The following SYNM variants were observed in gnomAD, a reference collection of about 807,000 sequenced individuals.
SYNM encodes the protein desmuslin.
In SYNM, 95 loss-of-function variants were observed where a neutral mutation model predicts 104.0. The ratio of observed to expected loss-of-function variants is 0.91; its 90% CI spans 0.77 to 1.08. SYNM has a LOEUF of 1.08. Ranked by LOEUF, SYNM falls within the 50% of genes least tolerant of loss-of-function variation. The pLI is 0.00. For missense variants in SYNM, 2,150 were observed against 2,052.2 expected, an observed-to-expected ratio of 1.05 and a Z score of -0.92; for synonymous variants, 918 against 869.0, an observed-to-expected ratio of 1.06 and a Z score of -0.99.
intron 1 of SYNM, among the ~76,000 whole-genome samples, chr15:99,109,507 T>C (rs1052099614): frequency 2.6e-5 from 4 of 152,116 alleles, no homozygotes; most frequent in Non-Finnish European, 4.4e-5. Context: ...AGGATGGGAT[T>C]AGCTAAGGGT....
At chr15:99,124,528 T>C (rs1596130037) in intron 2 of SYNM, among the ~76,000 whole-genome samples, 1 of 152,222 alleles carries the variant, frequency 6.6e-6, no homozygotes. Context: ...ATAGGAGAGC[T>C]CTGCAGGGCC....
Position 99,113,595 on chromosome 15 carries a change from T to C in SYNM, c.815T>C (p.Val272Ala), listed in dbSNP as rs2305445. ...YGIQAEERQR[V>A]IDCLEDEKAT... ...AAGTCTGTCTATTCTCTTTAGAGAG[T>C]GATTGACTGCCTGGAGGATGAGAAG... is the stretch of plus-strand genomic sequence containing the variant. The change falls in exon 2 of 4, where the codon GTG becomes GCG. Residue 272 changes from valine to alanine, a missense_variant. Transcript: ENST00000336292. 938,900 of 1,611,636 alleles carry C rather than the reference T, an allele frequency of 0.58. 274,856 individuals are homozygous for C. Among genetic ancestry groups the C allele is most frequent in the East Asian group, 0.7 (31,414 of 44,816 alleles).
intron 2 of SYNM, among the ~76,000 whole-genome samples, chr15:99,124,436 G>A (rs564030797): frequency 1.3e-5 from 2 of 152,304 alleles, no homozygotes; most frequent in South Asian, 2.1e-4. Flanking sequence ...AAGGTGACAT[G>A]TGTCGCTGCC....
At position 99,135,527 on chromosome 15, in the gene SYNM, C is replaced by T. The variant is rs184998991; in HGVS notation, c.*2469C>T. 1.3e-4 allele frequency: 20 copies of T among 152,706 alleles called. No individual in the cohort carries two copies. The highest frequency in any genetic ancestry group is 1.1e-3 in the Admixed American group (17 of 15,292). 9.5% of individuals were successfully genotyped at this position (152,706 alleles called of 1,614,324 possible). A position where few individuals can be genotyped will look rare whatever the true frequency, so the allele number is the denominator to read the frequency against. On this transcript the variant is annotated 3_prime_UTR_variant, in exon 4 of 4. Coordinates refer to ENST00000336292, the MANE Select transcript of SYNM (RefSeq NM_145728.3). Reference sequence around the variant, plus strand: ...CATCTAAGAAGCTGATTTTGCTAAACTCCTGTTCCCTACAATGGGAAATGT... The same window carrying T: ...CATCTAAGAAGCTGATTTTGCTAAATTCCTGTTCCCTACAATGGGAAATGT...
rs782003749 is a variant in SYNM at position 99,130,622 on chromosome 15, T to C, written c.2262T>C (p.Ser754=). ...TGGAGATCGTGGAGGAGCCCGTGAGTTATGTCAGCGGGGAGAAGCCGGAGG... is the reference window on the plus strand; with the variant it reads ...TGGAGATCGTGGAGGAGCCCGTGAGCTATGTCAGCGGGGAGAAGCCGGAGG... ...VNVEIVEEPV[S]YVSGEKPEEF... The change falls in exon 4 of 4, where the codon AGT becomes AGC. Residue 754 remains serine, a synonymous_variant. Transcript: ENST00000336292. The C allele has an allele frequency of 6.2e-7, 1 of 1,608,748 alleles. No individual in the cohort carries two copies. Among genetic ancestry groups the C allele is most frequent in the Non-Finnish European group, 8.5e-7 (1 of 1,177,754 alleles).
intron 1 of SYNM, among the ~76,000 whole-genome samples, chr15:99,107,656 T>C (rs2067259200): frequency 6.6e-6 from 1 of 152,222 alleles, no homozygotes; most frequent in African/African-American, 2.4e-5. Flanking sequence ...AAACCTTCAG[T>C]GGAACTCGTA....
In SYNM at chr15:99,130,749, T is replaced by G. The variant is rs782514131; in HGVS notation, c.2389T>G (p.Phe797Val). Residue 797 changes from phenylalanine to valine, a missense_variant, in exon 4 of 4, where the codon TTC becomes GTC. Coordinates refer to ENST00000336292, the MANE Select transcript of SYNM (RefSeq NM_145728.3). ...AGGTTATGGAGAAAGCGATGTCACA[T>G]TCTCAGTTAATCAGCATCGAAGGAC... ...EEGYGESDVT[F>V]SVNQHRRTKQ... The G allele has an allele frequency of 9.9e-6, 16 of 1,613,834 alleles. No individual in the cohort carries two copies. Among genetic ancestry groups the G allele is most frequent in the African/African-American group, 1.3e-5 (1 of 74,900 alleles).
Position 99,133,022 on chromosome 15 carries a change from CAATG to C in SYNM, c.4664_4667del (p.Asn1555ArgfsTer32), listed in dbSNP as rs2067529641. On this transcript the variant is annotated frameshift_variant, in exon 4 of 4. Transcript: ENST00000336292. LOFTEE classifies it high-confidence loss of function. ...AGAAAGTTGCCCTCCTCTATCTAGACAATGAGGAGGAGGAGAATGATGGGCATTG... is the reference window on the plus strand; with the variant it reads ...AGAAAGTTGCCCTCCTCTATCTAGACAGGAGGAGGAGAATGATGGGCATTG... 1 of 1,613,792 alleles carries C rather than the reference CAATG, an allele frequency of 6.2e-7. No individual in the cohort carries two copies. The highest frequency in any genetic ancestry group is 8.5e-7 in the Non-Finnish European group (1 of 1,179,864).
chr15:99,112,790 A>G (rs1448710588), intron 1 of SYNM, among the ~76,000 whole-genome samples: 1 of 152,192 alleles, frequency 6.6e-6, no homozygotes, highest in Non-Finnish European at 1.5e-5. Flanking sequence ...GGCTCACTGC[A>G]ACCTCCGCCT....
At chr15:99,129,056 C>A (rs1437546315) in intron 3 of SYNM, 1 of 299,734 alleles carries the variant, frequency 3.3e-6, no homozygotes, top group Admixed American at 4.7e-5. Context: ...AAAACGAGCA[C>A]CTCTGACCTC....
chr15:99,107,938 TG>T (rs1243134150), intron 1 of SYNM, among the ~76,000 whole-genome samples: 2,477 of 126,294 alleles, frequency 0.02, 68 homozygotes, highest in African/African-American at 0.078. Context: ...TTTTTTTTTT[TG>T]TTTTTTGTTT....
At chr15:99,117,229 A>G (rs1233352816) in intron 2 of SYNM, among the ~76,000 whole-genome samples, 1 of 151,860 alleles carries the variant, frequency 6.6e-6, no homozygotes, top group Non-Finnish European at 1.5e-5. Flanking sequence ...TCTCTTCTGG[A>G]CTCTTCCCAC....
rs1037192482 is a variant in SYNM at position 99,106,126 on chromosome 15, A to C, written c.810+117A>C. On this transcript the variant is annotated intron_variant, in intron 1 of 3. Coordinates refer to ENST00000336292, the MANE Select transcript of SYNM (RefSeq NM_145728.3). ...CAGGGGCGCGGCGTCGCGGACCGGTAGGGCCCGCCCAGAGGGTGCCCGAAT... is the reference window on the plus strand; with the variant it reads ...CAGGGGCGCGGCGTCGCGGACCGGTCGGGCCCGCCCAGAGGGTGCCCGAAT... 38 of 1,153,428 alleles carry C rather than the reference A, an allele frequency of 3.3e-5. No homozygotes were observed. In the East Asian group the frequency reaches 1.2e-3, roughly 36 times the overall value. 71.4% of individuals were successfully genotyped at this position (1,153,428 alleles called of 1,614,324 possible).
At position 99,116,687 on chromosome 15, in the gene SYNM, A is replaced by G. The variant is rs2067352922; in HGVS notation, c.935+2972A>G. 1.4e-5 allele frequency among the ~76,000 whole-genome samples: 2 copies of G among 141,278 alleles called. 1 individual carries two copies. Among genetic ancestry groups the G allele is most frequent in the South Asian group, 5.0e-4 (2 of 4,038 alleles). 92.7% of individuals were successfully genotyped at this position (141,278 alleles called of 152,430 possible). A position where few individuals can be genotyped will look rare whatever the true frequency, so the allele number is the denominator to read the frequency against. On this transcript the variant is annotated intron_variant, in intron 2 of 3. Transcript: ENST00000336292. ...GTCAGGTTCTTTTTTTTTCTTTTTG[A>G]CATGGAGTCTCACTCTGTCACCCAG...
chr15:99,106,772 C>A (rs1269520076), intron 1 of SYNM, among the ~76,000 whole-genome samples: 1 of 152,222 alleles, frequency 6.6e-6, no homozygotes, highest in Non-Finnish European at 1.5e-5. Context: ...GTAAACTATG[C>A]CCAGTCCAGC....
At chr15:99,128,209 C>T (rs1457057718) in intron 3 of SYNM, among the ~76,000 whole-genome samples, 2 of 152,182 alleles carry the variant, frequency 1.3e-5, no homozygotes, top group African/African-American at 4.8e-5. Flanking sequence ...AGATAAGTTC[C>T]TAAGTAGTGA....
Position 99,130,252 on chromosome 15 carries a change from G to T in SYNM, c.1892G>T (p.Gly631Val). The T allele has an allele frequency of 6.2e-7, 1 of 1,613,988 alleles. No homozygotes were observed. The highest frequency in any genetic ancestry group is 8.5e-7 in the Non-Finnish European group (1 of 1,179,888). Residue 631 changes from glycine (G) to valine (V), a missense_variant, in exon 4 of 4, where the codon GGC becomes GTC. Gly to Val is a moderately radical substitution (Grantham distance 109). Coordinates refer to ENST00000336292, the MANE Select transcript of SYNM (RefSeq NM_145728.3). ...GTSDATGSLQ[G>V]DSMTETVAEN... is the part of the protein sequence containing the mutation. ...AGTGATGCCACTGGTTCTCTGCAAGGCGATTCCATGACAGAAACCGTAGCA... is the reference window on the plus strand; with the variant it reads ...AGTGATGCCACTGGTTCTCTGCAAGTCGATTCCATGACAGAAACCGTAGCA...
chr15:99,105,783 G>C lies in SYNM; in HGVS notation c.584G>C (p.Trp195Ser). ...TACGCACTGCTGGTGGCCGAGTCGT[G>C]GCGGGAGACGGTGCAGCTGTACGAG... ...DSYALLVAES[W>S]RETVQLYEDE... Residue 195 changes from tryptophan to serine, a missense_variant, in exon 1 of 4, where the codon TGG (tryptophan) becomes TCG (serine). Physicochemically the swap from Trp to Ser is radical, Grantham distance 177. Transcript: ENST00000336292. The C allele has an allele frequency of 1.3e-6, 2 of 1,541,070 alleles. No homozygotes were observed. The highest frequency in any genetic ancestry group is 1.2e-5 in the South Asian group (1 of 83,348).
At position 99,132,770 on chromosome 15, in the gene SYNM, G is replaced by A; in HGVS notation, c.4410G>A (p.Glu1470=). ...TTCAGATGGATGTGAGTAACGTAGA[G>A]GCGATCCGCAGCCGGACACAGGAAG... The part of the protein sequence containing the change: ...FTFQMDVSNV[E]AIRSRTQEAG... The change falls in exon 4 of 4, where the codon GAG becomes GAA. Residue 1470 remains glutamate, a synonymous_variant. Transcript: ENST00000336292. 1 of 1,613,948 alleles carries A rather than the reference G, an allele frequency of 6.2e-7. No homozygotes were observed.
Sources: allele counts gnomAD v4.1 joint callset (sites outside exome capture counted in the v4.1 genomes callset), GRCh38; gene constraint gnomAD v4.1.1; transcripts MANE v1.5; gene names NCBI Gene and HGNC (gene_info 2026-07-23, HGNC 2026-07-21).